MYO5A: variants seen among roughly 807,000 people sequenced by gnomAD.
MYO5A encodes myosin VA.
A neutral mutation model predicts 249.7 loss-of-function variants in MYO5A; 98 were observed. The observed-to-expected ratio is 0.39, with a 90% CI of 0.33 to 0.46. The LOEUF (loss-of-function observed/expected upper bound fraction) is 0.46, where lower values mean the gene tolerates loss of function less well. MYO5A is among the 20% of genes least tolerant of loss of function. The probability of loss-of-function intolerance (pLI) is 0.98; values close to 1 mark genes in which losing one functional copy is unlikely to be tolerated. For missense variants in MYO5A, 1,696 were observed against 2,308.8 expected (o/e 0.73, Z 5.44); for synonymous variants, 778 against 810.6 (o/e 0.96, Z 0.68).
At chr15:52,462,823 G>A (rs1468104506) in intron 1 of MYO5A, among the ~76,000 whole-genome samples, 2 of 151,774 alleles carry the variant, frequency 1.3e-5, no homozygotes, top group Non-Finnish European at 2.9e-5. Context: ...ACTCCATCCT[G>A]GGCGACAGCG....
At chr15:52,324,049 T>G (rs2038473688) in intron 36 of MYO5A, among the ~76,000 whole-genome samples, 1 of 116,180 alleles carries the variant, frequency 8.6e-6, no homozygotes, top group African/African-American at 2.9e-5. Flanking sequence ...ATCACCCAGC[T>G]ACAGCTAGCC....
In MYO5A at chr15:52,486,111, C is replaced by T. The variant is rs181313351; in HGVS notation, c.27+42669G>A. ...TTTCAAATCAAATTCCAATTCAACACGTATTTACCAAGTCCCTCTTACAAG... is the reference window on the plus strand; with the variant it reads ...TTTCAAATCAAATTCCAATTCAACATGTATTTACCAAGTCCCTCTTACAAG... On this transcript the variant is annotated intron_variant, in intron 1 of 41. Transcript: ENST00000399233. 4.2e-3 allele frequency among the ~76,000 whole-genome samples: 642 copies of T among 152,222 alleles called. 10 individuals carry two copies. Among genetic ancestry groups the T allele is most frequent in the Admixed American group, 0.015 (235 of 15,288 alleles).
chr15:52,479,999 T>A (rs778818460), intron 1 of MYO5A, among the ~76,000 whole-genome samples: 5 of 152,194 alleles, frequency 3.3e-5, no homozygotes, highest in Non-Finnish European at 5.9e-5. Flanking sequence ...AAGTAAAGAT[T>A]ATGTAAAGAG....
intron 1 of MYO5A, among the ~76,000 whole-genome samples, chr15:52,512,612 T>A (rs1261556835): frequency 1.3e-5 from 2 of 152,196 alleles, no homozygotes; most frequent in African/African-American, 2.4e-5. Flanking sequence ...ATTTTTCTTT[T>A]GCATTTCAAA....
At chr15:52,505,652 T>C (rs575423734) in intron 1 of MYO5A, 23 of 1,276,868 alleles carry the variant, frequency 1.8e-5, no homozygotes, top group Middle Eastern at 2.6e-4. Context: ...GAGACAGATA[T>C]GGCGAAATTA....
At chr15:52,355,254 G>C (rs898174564) in intron 25 of MYO5A, among the ~76,000 whole-genome samples, 3 of 152,038 alleles carry the variant, frequency 2.0e-5, no homozygotes, top group Admixed American at 1.3e-4. Flanking sequence ...CATATCCTTG[G>C]GTTCTGTATC....
chr15:52,485,662 A>G (rs971196995), intron 1 of MYO5A, among the ~76,000 whole-genome samples: 1 of 152,240 alleles, frequency 6.6e-6, no homozygotes, highest in Non-Finnish European at 1.5e-5. Flanking sequence ...AATTTTTCAC[A>G]TCATAGCCAG....
At chr15:52,471,621 C>CACACACACACA (rs1567158075) in intron 1 of MYO5A, among the ~76,000 whole-genome samples, 1 of 33,062 alleles carries the variant, frequency 3.0e-5, no homozygotes, top group Non-Finnish European at 7.4e-5. Flanking sequence ...ACACACACAC[C>CACACACACACA]CCAAACAAAA....
chr15:52,449,225 T>A (rs1294005027), intron 1 of MYO5A, among the ~76,000 whole-genome samples: 1 of 152,104 alleles, frequency 6.6e-6, no homozygotes, highest in Non-Finnish European at 1.5e-5. Context: ...CACCTCAGCC[T>A]CCCAAAGTGC....
chr15:52,338,572 T>C (rs1036185111), intron 32 of MYO5A, among the ~76,000 whole-genome samples: 7 of 152,190 alleles, frequency 4.6e-5, no homozygotes, highest in Admixed American at 4.6e-4. Flanking sequence ...AAAAAGTCTA[T>C]CATTTCCTGT....
chr15:52,444,359 G>A (rs906438507), intron 1 of MYO5A, among the ~76,000 whole-genome samples: 1 of 152,146 alleles, frequency 6.6e-6, no homozygotes, highest in African/African-American at 2.4e-5. Flanking sequence ...ATCACCAACA[G>A]GGAAGCGAAC....
At chr15:52,519,471 G>T (rs2077567184) in intron 1 of MYO5A, among the ~76,000 whole-genome samples, 2 of 152,088 alleles carry the variant, frequency 1.3e-5, no homozygotes, top group Non-Finnish European at 2.9e-5. Context: ...AATTAGCCAG[G>T]CATGGTGGCA....
intron 37 of MYO5A, among the ~76,000 whole-genome samples, chr15:52,321,946 T>C (rs988920948): frequency 6.6e-6 from 1 of 152,168 alleles, no homozygotes; most frequent in Non-Finnish European, 1.5e-5. Context: ...AATCTTGAAA[T>C]AGACCGATTT....
chr15:52,461,916 G>A (rs999148853), intron 1 of MYO5A, among the ~76,000 whole-genome samples: 5 of 150,148 alleles, frequency 3.3e-5, no homozygotes, highest in South Asian at 2.1e-4. Flanking sequence ...AGCTGAGATC[G>A]CGCCACTGTA....
chr15:52,459,764 C>A (rs2076201539), intron 1 of MYO5A, among the ~76,000 whole-genome samples: 4 of 151,678 alleles, frequency 2.6e-5, no homozygotes, highest in Admixed American at 1.3e-4. Flanking sequence ...GGGCCCCCCA[C>A]CTCCCAGACG....
At chr15:52,483,466 G>T (rs1415281658) in intron 1 of MYO5A, among the ~76,000 whole-genome samples, 3 of 152,096 alleles carry the variant, frequency 2.0e-5, no homozygotes, top group Non-Finnish European at 4.4e-5. Context: ...AGAAATTTCA[G>T]GAGTAGGGAA....
At chr15:52,357,682 G>T (rs1266341873) in intron 25 of MYO5A, among the ~76,000 whole-genome samples, 1 of 152,150 alleles carries the variant, frequency 6.6e-6, no homozygotes, top group Non-Finnish European at 1.5e-5. Context: ...TCTGAGCCCG[G>T]ATGACACATC....
chr15:52,492,098 A>C (rs2076946317), intron 1 of MYO5A, among the ~76,000 whole-genome samples: 1 of 152,218 alleles, frequency 6.6e-6, no homozygotes. Context: ...AAACATTTTT[A>C]GGTGTCACAA....
chr15:52,370,029 C>G (rs761635593), intron 22 of MYO5A, 140 bp downstream of exon 22: 25 of 1,113,400 alleles, frequency 2.2e-5, no homozygotes, highest in East Asian at 1.4e-4. Context: ...GCTTGGGAAA[C>G]AGTAATAATG....
Sources: allele counts gnomAD v4.1 joint callset (sites outside exome capture counted in the v4.1 genomes callset), GRCh38; gene constraint gnomAD v4.1.1; transcripts MANE v1.5; gene names NCBI Gene and HGNC (gene_info 2026-07-23, HGNC 2026-07-21).